Variants in NRG1 observed in about 807,000 individuals in gnomAD.
The protein encoded by NRG1 is pro-neuregulin-1, membrane-bound isoform.
NRG1 carries 18 observed loss-of-function variants against 63.8 expected under a neutral mutation model. That is an observed-to-expected ratio of 0.28 (90% CI 0.19 to 0.42). The LOEUF is 0.42. Among genes scored for constraint, NRG1 ranks in the 10% least tolerant of loss-of-function variants. NRG1 has a pLI of 1.00. For missense variants in NRG1, 762 were observed against 814.7 expected, an observed-to-expected ratio of 0.94 and a Z score of 0.79; for synonymous variants, 302 against 301.3, an observed-to-expected ratio of 1.00 and a Z score of -0.02.
chr8:31,639,990 A>T, intron 1 of NRG1: 1 of 1,122,688 alleles, frequency 8.9e-7, no homozygotes, highest in South Asian at 4.3e-5. Flanking sequence ...GCACCATGAG[A>T]TGGCGACGCG....
chr8:32,749,320 G>T (rs994103943), intron 7 of NRG1: 11 of 581,392 alleles, frequency 1.9e-5, no homozygotes, highest in Non-Finnish European at 3.3e-5. Flanking sequence ...TCTTTTAAGG[G>T]TTAATAAAGA....
chr8:32,580,103 A>AG (rs1378807805), intron 1 of NRG1, among the ~76,000 whole-genome samples: 1 of 152,212 alleles, frequency 6.6e-6, no homozygotes, highest in African/African-American at 2.4e-5. Context: ...GTCATCTGTA[A>AG]GCAACTTGAA....
intron 1 of NRG1, among the ~76,000 whole-genome samples, chr8:32,209,879 G>A (rs562304024): frequency 6.6e-6 from 1 of 152,202 alleles, no homozygotes; most frequent in Non-Finnish European, 1.5e-5. Context: ...AAGAAGCAAG[G>A]AAGCCACCTT....
intron 1 of NRG1, among the ~76,000 whole-genome samples, chr8:32,385,805 G>A (rs528802825): frequency 5.3e-5 from 8 of 152,230 alleles, no homozygotes; most frequent in Admixed American, 4.6e-4. Flanking sequence ...ATATCACCTA[G>A]TAATCATCCT....
chr8:32,626,985 A>T (rs1849416415), intron 5 of NRG1, among the ~76,000 whole-genome samples: 1 of 151,938 alleles, frequency 6.6e-6, no homozygotes. Flanking sequence ...GCACCACTGC[A>T]CTCTGGCCTG....
At chr8:31,675,727 C>T (rs1250336688) in intron 1 of NRG1, among the ~76,000 whole-genome samples, 1 of 152,104 alleles carries the variant, frequency 6.6e-6, no homozygotes, top group Non-Finnish European at 1.5e-5. Context: ...AGTAATAACA[C>T]CTTACAATTG....
chr8:31,978,055 A>T (rs1027709088), intron 1 of NRG1, among the ~76,000 whole-genome samples: 2 of 152,136 alleles, frequency 1.3e-5, no homozygotes, highest in African/African-American at 4.8e-5. Flanking sequence ...TCAACACAAA[A>T]GATCACTAGC....
chr8:31,882,249 GC>G (rs913080451), intron 1 of NRG1, among the ~76,000 whole-genome samples: 7 of 142,738 alleles, frequency 4.9e-5, no homozygotes, highest in African/African-American at 1.8e-4. Flanking sequence ...GAACAACTAA[GC>G]CTGGATGCCA....
intron 1 of NRG1, among the ~76,000 whole-genome samples, chr8:32,342,468 T>C (rs1804195352): frequency 6.6e-6 from 1 of 152,204 alleles, no homozygotes; most frequent in African/African-American, 2.4e-5. Flanking sequence ...CCTACTGTTG[T>C]TATCCATCTT....
chr8:31,969,433 G>A (rs1270690391), intron 1 of NRG1, among the ~76,000 whole-genome samples: 2 of 152,094 alleles, frequency 1.3e-5, no homozygotes, highest in African/African-American at 4.8e-5. Context: ...GTGCTTTGAG[G>A]AAGAAGTTAA....
At chr8:32,327,312 G>A (rs184728880) in intron 1 of NRG1, among the ~76,000 whole-genome samples, 12 of 152,174 alleles carry the variant, frequency 7.9e-5, no homozygotes, top group African/African-American at 2.9e-4. Flanking sequence ...AGGGTGTAGA[G>A]ATTTCTGACT....
chr8:32,561,045 A>G (rs1319860753), intron 1 of NRG1, among the ~76,000 whole-genome samples: 1 of 152,196 alleles, frequency 6.6e-6, no homozygotes, highest in African/African-American at 2.4e-5. Context: ...AGGTTGTCTT[A>G]GAGGTCATCT....
At chr8:31,667,707 T>G (rs1258241127) in intron 1 of NRG1, among the ~76,000 whole-genome samples, 1 of 152,170 alleles carries the variant, frequency 6.6e-6, no homozygotes, top group African/African-American at 2.4e-5. Flanking sequence ...TGGACTCCAT[T>G]AGGACATTGA....
chr8:32,596,026 A>G, intron 2 of NRG1, 21 bp downstream of exon 2: 1 of 1,581,664 alleles, frequency 6.3e-7, no homozygotes, highest in Non-Finnish European at 8.6e-7. Context: ...TGCATAAAAT[A>G]GTAGAGACTG....
At chr8:32,245,060 A>C (rs1444669593) in intron 1 of NRG1, among the ~76,000 whole-genome samples, 1 of 152,102 alleles carries the variant, frequency 6.6e-6, no homozygotes, top group Non-Finnish European at 1.5e-5. Flanking sequence ...AGAATGAAGG[A>C]CCTGAGCTTT....
intron 1 of NRG1, among the ~76,000 whole-genome samples, chr8:32,165,398 C>T (rs1839292870): frequency 6.6e-6 from 1 of 152,044 alleles, no homozygotes; most frequent in Non-Finnish European, 1.5e-5. Context: ...CCCATTTTGC[C>T]CTCCCAAAGT....
intron 1 of NRG1, among the ~76,000 whole-genome samples, chr8:32,151,025 A>C (rs1055145064): frequency 6.6e-6 from 1 of 152,158 alleles, no homozygotes; most frequent in African/African-American, 2.4e-5. Context: ...AAATAGCAAA[A>C]CTGTAAACTT....
At chr8:31,997,202 T>TA (rs1812150345) in intron 1 of NRG1, among the ~76,000 whole-genome samples, 1 of 139,952 alleles carries the variant, frequency 7.1e-6, no homozygotes, top group Non-Finnish European at 1.5e-5. Flanking sequence ...TTTTTTTTTT[T>TA]ACTATGAAGG....
At chr8:31,758,908 T>C (rs1396843872) in intron 1 of NRG1, among the ~76,000 whole-genome samples, 1 of 152,168 alleles carries the variant, frequency 6.6e-6, no homozygotes, top group Non-Finnish European at 1.5e-5. Flanking sequence ...TACTCTGTGT[T>C]CTAGCCAATG....
Sources: allele counts gnomAD v4.1 joint callset (sites outside exome capture counted in the v4.1 genomes callset), GRCh38; gene constraint gnomAD v4.1.1; transcripts MANE v1.5; gene names NCBI Gene and HGNC (gene_info 2026-07-23, HGNC 2026-07-21).